The following PARP14 variants were observed in gnomAD, a reference collection of about 807,000 sequenced individuals.
PARP14 encodes the protein poly(ADP-ribose) polymerase family member 14.
A neutral mutation model predicts 154.2 loss-of-function variants in PARP14; 59 were observed. That is an observed-to-expected ratio of 0.38 (90% CI 0.31 to 0.48). The LOEUF (loss-of-function observed/expected upper bound fraction) is 0.48, where lower values mean the gene tolerates loss of function less well. Ranked by LOEUF, PARP14 falls within the 20% of genes least tolerant of loss-of-function variation. The probability of loss-of-function intolerance (pLI) is 0.98; values close to 1 mark genes in which losing one functional copy is unlikely to be tolerated. For missense variants in PARP14, 1,734 were observed against 2,131.6 expected (o/e 0.81, Z 3.67); for synonymous variants, 720 against 780.5 (o/e 0.92, Z 1.29).
chr3:122,701,062 G>C lies in PARP14; in HGVS notation c.2508G>C (p.Ala836=). 1.2e-6 allele frequency: 2 copies of C among 1,613,968 alleles called. No homozygotes were observed. The highest frequency in any genetic ancestry group is 1.7e-6 in the Non-Finnish European group (2 of 1,179,882). ...AGCATTATGGTGGCCTGGCCGCTGC[G>C]CTCTCAAAAGCAGCTGGCCCTGAGC... is the stretch of plus-strand genomic sequence containing the variant. ...DLKHYGGLAA[A]LSKAAGPELQ... is the part of the protein sequence containing the mutation. Residue 836 remains alanine, a synonymous_variant, in exon 6 of 17, where the codon GCG becomes GCC. Transcript: ENST00000474629. The surrounding 1 kb of genome is among the most constrained non-coding windows in gnomAD (Gnocchi z 4.0).
At chr3:122,682,596 A>C (rs572841309) in intron 1 of PARP14, among the ~76,000 whole-genome samples, 8 of 152,308 alleles carry the variant, frequency 5.3e-5, no homozygotes, top group African/African-American at 1.9e-4. Context: ...GTGATGATAA[A>C]ATAACTCAAT....
chr3:122,722,999 G>A (rs981794053), intron 15 of PARP14, among the ~76,000 whole-genome samples: 14 of 150,900 alleles, frequency 9.3e-5, no homozygotes, highest in African/African-American at 2.9e-4. Flanking sequence ...GCAGTGGCGC[G>A]ATCTTGGCTC....
Position 122,727,852 on chromosome 3 carries a change from A to C in PARP14, c.4982A>C (p.Gln1661Pro), listed in dbSNP as rs1933327441. 1 of 1,613,030 alleles carries C rather than the reference A, an allele frequency of 6.2e-7. No homozygotes were observed. The highest frequency in any genetic ancestry group is 8.5e-7 in the Non-Finnish European group (1 of 1,179,184). ...IQNPDLWNSY[Q>P]AKKKTMDAKN... ...AATCCAGATCTCTGGAATAGCTACC[A>C]GGCAAAGAAAAAAACTATGGATGCC... Residue 1661 changes from glutamine (Q) to proline (P), a missense_variant, in exon 16 of 17, where the codon CAG becomes CCG. Gln to Pro is a moderately conservative substitution (Grantham distance 76). Transcript: ENST00000474629.
rs375435022 is a variant in PARP14 at position 122,720,361 on chromosome 3, G to C, written c.4914G>C (p.Gln1638His). The change falls in exon 15 of 17, where the codon CAG becomes CAC. Residue 1638 changes from glutamine to histidine, a missense_variant. Gln to His is a conservative substitution (Grantham distance 24). This residue lies in a region of PARP14 where 1,646 missense variants were observed against 1,976.0 expected (regional missense o/e 0.83). Coordinates refer to ENST00000474629, the MANE Select transcript of PARP14 (RefSeq NM_017554.3). ...EYNTVASKFN[Q>H]TCSHFRIEKI... is the part of the protein sequence containing the mutation. ...ACACGGTGGCAAGCAAGTTTAATCA[G>C]ACCTGCTCACACTTCAGAATAGAGA... The C allele has an allele frequency of 5.5e-5, 88 of 1,612,988 alleles. No homozygotes were observed. The highest frequency in any genetic ancestry group is 7.0e-5 in the Non-Finnish European group (82 of 1,179,528).
In PARP14 at chr3:122,718,974, A is replaced by G. The variant is rs376294716; in HGVS notation, c.4807+16A>G. On this transcript the variant is annotated intron_variant, in intron 14 of 16. Transcript: ENST00000474629. The stretch of plus-strand genomic sequence containing the variant: ...AAATCCAAAGGTGAGTTAAACATTC[A>G]TACTTGTCATCCACTATTTCACATC... The G allele has an allele frequency of 3.2e-6, 5 of 1,540,076 alleles. No homozygotes were observed. The highest frequency in any genetic ancestry group is 4.4e-6 in the Non-Finnish European group (5 of 1,144,946).
At chr3:122,719,399 C>A (rs905169736) in intron 14 of PARP14, among the ~76,000 whole-genome samples, 1 of 152,156 alleles carries the variant, frequency 6.6e-6, no homozygotes, top group Non-Finnish European at 1.5e-5. Context: ...GACTGATAAT[C>A]CAGGGAGGAT....
In PARP14 at chr3:122,700,618, A is replaced by G. The variant is rs1432234804; in HGVS notation, c.2064A>G (p.Thr688=). ...CCTTAGTTATTGACTATTTAAAGAC[A>G]GAAAAGAAGCTATTCTGGCCAAAGA... The part of the protein sequence containing the change: ...KPSLVIDYLK[T]EKKLFWPKIK... The change falls in exon 6 of 17, where the codon ACA becomes ACG. Residue 688 remains threonine, a synonymous_variant. Transcript: ENST00000474629. The G allele has an allele frequency of 6.2e-7, 1 of 1,602,546 alleles. No individual in the cohort carries two copies. The highest frequency in any genetic ancestry group is 1.1e-5 in the South Asian group (1 of 89,086).
intron 11 of PARP14, 99 bp from the exon 12 acceptor site, chr3:122,714,163 T>TTC: frequency 1.9e-6 from 2 of 1,046,342 alleles, no homozygotes; most frequent in Non-Finnish European, 2.8e-6. Flanking sequence ...TTTTTTTTTT[T>TTC]CACAAAATGC....
At position 122,704,613 on chromosome 3, in the gene PARP14, A is replaced by G. The variant is rs1939090991; in HGVS notation, c.3405A>G (p.Gly1135=). 1.9e-6 allele frequency: 3 copies of G among 1,608,052 alleles called. No individual in the cohort carries two copies. Among genetic ancestry groups the G allele is most frequent in the Non-Finnish European group, 2.5e-6 (3 of 1,176,798 alleles). ...TTGCATTTCCAGCAATAGGAACAGG[A>G]AACTTGGGATTTCCTAAAAACATAT... The part of the protein sequence containing the change: ...KSIAFPAIGT[G]NLGFPKNIFA... The change falls in exon 8 of 17, where the codon GGA becomes GGG. Residue 1135 remains glycine (G), a synonymous_variant. Coordinates refer to ENST00000474629, the MANE Select transcript of PARP14 (RefSeq NM_017554.3).
intron 1 of PARP14, among the ~76,000 whole-genome samples, chr3:122,682,935 G>C (rs1938259314): frequency 6.6e-6 from 1 of 152,070 alleles, no homozygotes; most frequent in African/African-American, 2.4e-5. Context: ...TGCGCCTATA[G>C]TCCCAGCTAC....
intron 15 of PARP14, among the ~76,000 whole-genome samples, chr3:122,726,011 C>T (rs1208239556): frequency 1.3e-5 from 2 of 152,154 alleles, no homozygotes; most frequent in Non-Finnish European, 2.9e-5. Flanking sequence ...TTAGTATATT[C>T]ATCATTCCCC....
intron 12 of PARP14, 41 bp from the exon 13 acceptor site, chr3:122,718,030 G>A: frequency 6.6e-7 from 1 of 1,521,208 alleles, no homozygotes; most frequent in African/African-American, 1.4e-5. Flanking sequence ...TCCACTTGGG[G>A]CTTTTTTGTC....
At chr3:122,716,937 A>G (rs529331702) in intron 12 of PARP14, among the ~76,000 whole-genome samples, 1 of 152,338 alleles carries the variant, frequency 6.6e-6, no homozygotes, top group African/African-American at 2.4e-5. Context: ...GCAAGTGCCT[A>G]GTGAGTACCT....
chr3:122,720,042 A>T (rs962129563), intron 14 of PARP14, among the ~76,000 whole-genome samples: 1 of 152,018 alleles, frequency 6.6e-6, no homozygotes, highest in African/African-American at 2.4e-5. Flanking sequence ...GATTCAGTTG[A>T]TCTGTGGCTT....
At chr3:122,704,840 C>T in intron 8 of PARP14, 92 bp downstream of exon 8, 1 of 659,912 alleles carries the variant, frequency 1.5e-6, no homozygotes, top group Non-Finnish European at 2.6e-6. Flanking sequence ...TTTTTTCATT[C>T]ATTTCCCCAT....
At position 122,711,250 on chromosome 3, in the gene PARP14, A is replaced by T. The variant is rs576130975; in HGVS notation, c.3620-2174A>T. On this transcript the variant is annotated intron_variant, in intron 9 of 16. Coordinates refer to ENST00000474629, the MANE Select transcript of PARP14 (RefSeq NM_017554.3). ...GTCACATATGGCTTTTACTACTTCAAGATATGTCCCCTCTATGCCTATTTT... is the reference window on the plus strand; with the variant it reads ...GTCACATATGGCTTTTACTACTTCATGATATGTCCCCTCTATGCCTATTTT... Among the ~76,000 whole-genome samples the T allele has an allele frequency of 4.3e-3, 659 of 152,318 alleles. 2 individuals carry two copies. Among genetic ancestry groups the T allele is most frequent in the Non-Finnish European group, 7.0e-3 (478 of 68,030 alleles).
intron 15 of PARP14, among the ~76,000 whole-genome samples, chr3:122,727,530 G>T (rs139254261): frequency 1.1e-3 from 166 of 152,278 alleles, no homozygotes; most frequent in African/African-American, 3.7e-3. Flanking sequence ...TGCAGAGGCT[G>T]GGTCAGCAGA....
At chr3:122,683,238 C>G in intron 1 of PARP14, 1 of 937,858 alleles carries the variant, frequency 1.1e-6, no homozygotes, top group Non-Finnish European at 1.3e-6. Flanking sequence ...GCTTGAAGTC[C>G]CAGAAGTGCA....
At chr3:122,726,209 A>G (rs904717322) in intron 15 of PARP14, among the ~76,000 whole-genome samples, 3 of 152,132 alleles carry the variant, frequency 2.0e-5, no homozygotes, top group East Asian at 1.9e-4. Context: ...AATTCTTCCT[A>G]TATTTCCATG....
Sources: gnomAD v4.1 joint callset for allele counts (sites outside exome capture counted in the v4.1 genomes callset) on GRCh38, gnomAD v4.1.1 for gene constraint, gnomAD v4.1.1 regional missense constraint, Gnocchi (gnomAD v3.1) non-coding constraint, MANE v1.5 for transcripts, NCBI Gene and HGNC (gene_info 2026-07-23, HGNC 2026-07-21) for gene names.